The following LRRK1 variants were observed in gnomAD, a reference collection of about 807,000 sequenced individuals.
LRRK1 encodes leucine rich repeat kinase 1.
A neutral mutation model predicts 209.1 loss-of-function variants in LRRK1; 113 were observed. That is an observed-to-expected ratio of 0.54 (90% CI 0.46 to 0.63). The LOEUF is 0.63. Ranked by LOEUF, LRRK1 falls within the 30% of genes least tolerant of loss-of-function variation. The pLI, the probability that LRRK1 is intolerant of heterozygous loss-of-function variation, is 0.00. For missense variants in LRRK1, 2,284 were observed against 2,632.2 expected (o/e 0.87, Z 2.89); for synonymous variants, 1,144 against 1,099.7 (o/e 1.04, Z -0.80).
chr15:101,038,713 T>G (rs923529739), intron 20 of LRRK1, among the ~76,000 whole-genome samples: 5 of 152,336 alleles, frequency 3.3e-5, no homozygotes, highest in African/African-American at 1.2e-4. Context: ...GATGATCTAT[T>G]CAACGTGTGA....
rs1163887098 is a variant in LRRK1 at position 101,077,334 on chromosome 15, T to G, written c.*8486T>G. Reference sequence around the variant, plus strand: ...TTCACCATTCTCAACTACTCATACGTGCCCTGCTCTTGTTTACACTGCCAG... The same window carrying G: ...TTCACCATTCTCAACTACTCATACGGGCCCTGCTCTTGTTTACACTGCCAG... On this transcript the variant is annotated 3_prime_UTR_variant, in exon 34 of 34. Transcript: ENST00000388948. 2 of 152,234 alleles carry G rather than the reference T, an allele frequency of 1.3e-5. No homozygotes were observed. Among genetic ancestry groups the G allele is most frequent in the African/African-American group, 4.8e-5 (2 of 41,454 alleles). The allele number at this position is 152,234 out of a possible 1,614,324, so 9.4% of individuals were successfully genotyped here.
chr15:100,940,249 A>G lies in LRRK1; in HGVS notation c.97+15520A>G, dbSNP rs181614318. 6.2e-3 allele frequency among the ~76,000 whole-genome samples: 941 copies of G among 152,152 alleles called. 5 individuals are homozygous for G. The highest frequency in any genetic ancestry group is 9.3e-3 in the Non-Finnish European group (632 of 67,992). On this transcript the variant is annotated intron_variant, in intron 2 of 33. Transcript: ENST00000388948. ...TTTGTTGTTGATCAGTCTTTCCATA[A>G]GATTGTTTATTTCACTAGTCCTTCA...
intron 20 of LRRK1, among the ~76,000 whole-genome samples, chr15:101,035,445 TG>T (rs1322550342): frequency 6.6e-6 from 1 of 152,210 alleles, no homozygotes; most frequent in Non-Finnish European, 1.5e-5. Context: ...AAGTCTGTTT[TG>T]TCTGATACAA....
chr15:101,061,079 T>C (rs1040617848), intron 29 of LRRK1, 92 bp from the exon 30 acceptor site: 7 of 912,324 alleles, frequency 7.7e-6, no homozygotes, highest in African/African-American at 6.5e-5. Flanking sequence ...GCAGGGGAGG[T>C]AGACGAGGCT....
At chr15:100,934,432 G>A (rs1271570835) in intron 2 of LRRK1, among the ~76,000 whole-genome samples, 1 of 152,098 alleles carries the variant, frequency 6.6e-6, no homozygotes, top group Admixed American at 6.5e-5. Context: ...AGATGCTGGG[G>A]ACACAGCAGG....
chr15:100,958,272 A>G (rs1017684133), intron 2 of LRRK1, among the ~76,000 whole-genome samples: 2 of 152,190 alleles, frequency 1.3e-5, no homozygotes, highest in African/African-American at 4.8e-5. Flanking sequence ...AGAGTAAACA[A>G]TTGGGGCCCT....
chr15:100,955,968 A>T (rs182081726), intron 2 of LRRK1, among the ~76,000 whole-genome samples: 1 of 152,064 alleles, frequency 6.6e-6, no homozygotes, highest in African/African-American at 2.4e-5. Flanking sequence ...TGGTGTTTTT[A>T]TCTGGCTGTG....
In LRRK1 at chr15:101,027,443, ACTTCCCCCTCT is replaced by A. The variant is rs2034085908; in HGVS notation, c.2526+65_2526+75del. The A allele has an allele frequency of 1.3e-6, 2 of 1,582,254 alleles. No homozygotes were observed. The highest frequency in any genetic ancestry group is 2.3e-5 in the South Asian group (2 of 86,704). On this transcript the variant is annotated intron_variant, in intron 18 of 33. Transcript: ENST00000388948. This position sits in a 1 kb window ranked among gnomAD's most constrained non-coding sequence, Gnocchi z 5.1. ...CTGCTTCCCATTGTTGGGGGTCCTC[ACTTCCCCCTCT>A]CTCCTGTGAAGCCCATGTCTGTGTG...
Position 101,027,642 on chromosome 15 carries a change from C to G in LRRK1, c.2531C>G (p.Pro844Arg). The G allele has an allele frequency of 3.7e-6, 6 of 1,611,876 alleles. No homozygotes were observed. Among genetic ancestry groups the G allele is most frequent in the Non-Finnish European group, 5.1e-6 (6 of 1,179,352 alleles). ...GCQRLAGRLI[P>R]RSYLSLQEAV... ...CCTCGCCCAACTGTCCCCCAGATCC[C>G]CAGGAGCTACCTGAGCCTGCAGGAG... is the stretch of plus-strand genomic sequence containing the variant. The change falls in exon 19 of 34, where the codon CCC becomes CGC. Residue 844 changes from proline to arginine, a missense_variant. By Grantham distance (103) the Pro-to-Arg change is moderately radical. Around this residue, in one of 6 missense-constraint regions of LRRK1, gnomAD observed 780 missense variants for 985.2 expected, o/e 0.79. Coordinates refer to ENST00000388948, the MANE Select transcript of LRRK1 (RefSeq NM_024652.6). The surrounding 1 kb of genome is among the most constrained non-coding windows in gnomAD (Gnocchi z 5.1).
In LRRK1 at chr15:101,068,713, G is replaced by C; in HGVS notation, c.5913G>C (p.Val1971=). 1 of 1,612,908 alleles carries C rather than the reference G, an allele frequency of 6.2e-7. No individual in the cohort carries two copies. The highest frequency in any genetic ancestry group is 8.5e-7 in the Non-Finnish European group (1 of 1,179,278). ...DAAVVAKDTV[V]CTFENENTEW... is the part of the protein sequence containing the mutation. ...CCGTGGTGGCAAAGGACACTGTTGT[G>C]TGCACCTTTGAAAATGAAAACACAG... The change falls in exon 34 of 34, where the codon GTG becomes GTC. Residue 1971 remains valine (V), a synonymous_variant. Coordinates refer to ENST00000388948, the MANE Select transcript of LRRK1 (RefSeq NM_024652.6).
chr15:101,033,596 T>C (rs963827075), intron 20 of LRRK1, among the ~76,000 whole-genome samples: 2 of 152,210 alleles, frequency 1.3e-5, no homozygotes, highest in African/African-American at 4.8e-5. Context: ...GCAAATGACA[T>C]GATTTCATTC....
chr15:101,053,669 G>A (rs951654458), intron 26 of LRRK1, among the ~76,000 whole-genome samples: 9 of 152,224 alleles, frequency 5.9e-5, no homozygotes, highest in Admixed American at 1.3e-4. Context: ...GCCGCGGTCC[G>A]GAAAGCCGCT....
chr15:100,992,221 G>C (rs77772864), intron 6 of LRRK1, among the ~76,000 whole-genome samples: 281 of 152,280 alleles, frequency 1.8e-3, no homozygotes, highest in African/African-American at 6.2e-3. Context: ...ATTATCTGGA[G>C]AAGTCTCACA....
At chr15:101,047,152 G>C (rs921107149) in intron 21 of LRRK1, among the ~76,000 whole-genome samples, 1 of 152,158 alleles carries the variant, frequency 6.6e-6, no homozygotes, top group African/African-American at 2.4e-5. Flanking sequence ...GTTTACTGTT[G>C]CTACATCCTA....
intron 2 of LRRK1, among the ~76,000 whole-genome samples, chr15:100,941,430 G>GTATC: frequency 8.2e-6 from 1 of 121,728 alleles, no homozygotes; most frequent in Non-Finnish European, 1.7e-5. Flanking sequence ...GTGTGTGTCT[G>GTATC]TGTGTGTGTG....
intron 3 of LRRK1, among the ~76,000 whole-genome samples, chr15:100,975,722 T>C (rs2031255807): frequency 1.3e-5 from 2 of 152,184 alleles, no homozygotes; most frequent in Non-Finnish European, 2.9e-5. Context: ...ATACCCTTCA[T>C]TGACAAAGAG....
chr15:100,975,155 C>T (rs768030568), intron 3 of LRRK1, among the ~76,000 whole-genome samples: 19 of 152,216 alleles, frequency 1.2e-4, no homozygotes, highest in South Asian at 8.3e-4. Flanking sequence ...GCTGTGCACA[C>T]GAGCAGGTCA....
chr15:101,062,885 TAAGTC>T (rs1326351290), intron 31 of LRRK1, among the ~76,000 whole-genome samples, 195 bp downstream of exon 31: 1 of 152,170 alleles, frequency 6.6e-6, no homozygotes, highest in African/African-American at 2.4e-5. Context: ...TGCAAAAACC[TAAGTC>T]AAGTCCCCAG....
intron 21 of LRRK1, 132 bp downstream of exon 21, chr15:101,046,284 T>A: frequency 1.9e-6 from 2 of 1,029,376 alleles, no homozygotes; most frequent in Non-Finnish European, 2.9e-6. Flanking sequence ...GCCACCAATG[T>A]AGTGCCAGGG....
Sources: gnomAD v4.1 joint callset for allele counts (sites outside exome capture counted in the v4.1 genomes callset) on GRCh38, gnomAD v4.1.1 for gene constraint, gnomAD v4.1.1 regional missense constraint, Gnocchi (gnomAD v3.1) non-coding constraint, MANE v1.5 for transcripts, NCBI Gene and HGNC (gene_info 2026-07-23, HGNC 2026-07-21) for gene names.